The following CUX1 variants were observed in gnomAD, a reference collection of about 807,000 sequenced individuals.
CUX1 encodes the protein cut like homeobox 1.
In CUX1, 31 loss-of-function variants were observed where a neutral mutation model predicts 158.8. The observed-to-expected ratio is 0.20, with a 90% CI of 0.15 to 0.26. The LOEUF (loss-of-function observed/expected upper bound fraction) is 0.26. CUX1 is among the 10% of genes least tolerant of loss of function. The pLI is 1.00. For synonymous variants in CUX1, 879 were observed against 862.1 expected (o/e 1.02, Z -0.34); for missense variants, 1,589 against 2,014.6 (o/e 0.79, Z 4.04).
At chr7:102,044,636 G>A (rs907968010) in intron 3 of CUX1, among the ~76,000 whole-genome samples, 7 of 152,152 alleles carry the variant, frequency 4.6e-5, no homozygotes, top group Non-Finnish European at 1.0e-4. Flanking sequence ...CCTTATGGAA[G>A]TGGTTACATA....
chr7:102,282,745 G>C, exon 22 of CUX1: 1 of 1,613,628 alleles, frequency 6.2e-7, no homozygotes, highest in Non-Finnish European at 8.5e-7. Context: ...CGAGAGCATG[G>C]AGAGGGACTG....
intron 20 of CUX1, among the ~76,000 whole-genome samples, chr7:102,226,151 C>A (rs7788329): frequency 0.081 from 12,324 of 152,268 alleles, 759 homozygotes; most frequent in African/African-American, 0.17. Context: ...CCAACAGAGC[C>A]CAGCTGGCAT....
intron 3 of CUX1, among the ~76,000 whole-genome samples, chr7:102,045,561 A>G (rs562868925): frequency 1.8e-4 from 27 of 152,400 alleles, no homozygotes; most frequent in African/African-American, 5.5e-4. Flanking sequence ...TGCTTGTGAT[A>G]TAGCAGGAGC....
rs140554911 is a variant in CUX1 at position 101,953,061 on chromosome 7, G to A, written c.141+36836G>A. Among the ~76,000 whole-genome samples the A allele has an allele frequency of 5.2e-3, 795 of 152,284 alleles. 11 individuals carry two copies. The highest frequency in any genetic ancestry group is 0.018 in the African/African-American group (748 of 41,558). ...AGCCTGGCTTCTGGCCGCCCTGCCC[G>A]CTCCTCACGTGTGAGGGGAACTGGG... On this transcript the variant is annotated intron_variant, in intron 2 of 23. Transcript: ENST00000292535.
intron 2 of CUX1, among the ~76,000 whole-genome samples, chr7:101,993,446 TG>T (rs1256310462): frequency 6.6e-6 from 1 of 152,088 alleles, no homozygotes; most frequent in Non-Finnish European, 1.5e-5. Context: ...GCTGCTCTGA[TG>T]GGGGGTGGGA....
chr7:102,062,688 A>G (rs1585482718), intron 3 of CUX1, among the ~76,000 whole-genome samples: 1 of 152,192 alleles, frequency 6.6e-6, no homozygotes, highest in South Asian at 2.1e-4. Flanking sequence ...TTTTGTAGAG[A>G]CAGGATCTTG....
rs938976407 is a variant in CUX1 at position 102,249,682 on chromosome 7, G to C, written c.*640G>C. The C allele has an allele frequency of 4.5e-5, 44 of 985,588 alleles. No homozygotes were observed. In the African/African-American group the frequency reaches 7.2e-4, roughly 16 times the overall value. The allele number at this position is 985,588 out of a possible 1,614,324, so 61.1% of individuals were successfully genotyped here. On this transcript the variant is annotated 3_prime_UTR_variant, in exon 24 of 24. Transcript: ENST00000292535. ...TCTTAAACCAGGAAAAAATAAAAGGGGGGGTGGGATTTTTCAGAAAAATTA... is the reference window on the plus strand; with the variant it reads ...TCTTAAACCAGGAAAAAATAAAAGGCGGGGTGGGATTTTTCAGAAAAATTA...
At chr7:102,053,172 T>C (rs1006947636) in intron 3 of CUX1, among the ~76,000 whole-genome samples, 3 of 152,236 alleles carry the variant, frequency 2.0e-5, no homozygotes, top group Admixed American at 6.5e-5. Context: ...ATTGTGGTTT[T>C]GATTTGCATT....
At chr7:101,894,491 T>C (rs1801246884) in intron 1 of CUX1, among the ~76,000 whole-genome samples, 1 of 152,064 alleles carries the variant, frequency 6.6e-6, no homozygotes, top group South Asian at 2.1e-4. Flanking sequence ...TTTGTATTTT[T>C]AGTAGAGATG....
At chr7:102,027,578 A>G (rs1820195801) in intron 2 of CUX1, among the ~76,000 whole-genome samples, 1 of 151,478 alleles carries the variant, frequency 6.6e-6, no homozygotes, top group Non-Finnish European at 1.5e-5. Flanking sequence ...ACATCGTTGT[A>G]GGCCAGGTGC....
At chr7:102,108,164 A>G (rs1179367959) in intron 6 of CUX1, among the ~76,000 whole-genome samples, 1 of 152,206 alleles carries the variant, frequency 6.6e-6, no homozygotes, top group African/African-American at 2.4e-5. Flanking sequence ...CCGTTAAAAT[A>G]TTAATAATAG....
At chr7:102,177,549 G>A (rs782511331) in intron 10 of CUX1, among the ~76,000 whole-genome samples, 7 of 152,056 alleles carry the variant, frequency 4.6e-5, no homozygotes, top group Non-Finnish European at 8.8e-5. Context: ...GGAAAATCTC[G>A]GTGGTTTGGG....
At chr7:101,928,529 C>A (rs1805894450) in intron 2 of CUX1, among the ~76,000 whole-genome samples, 2 of 151,424 alleles carry the variant, frequency 1.3e-5, no homozygotes, top group South Asian at 4.2e-4. Context: ...TGCCACCACG[C>A]CTGGCTAATT....
chr7:102,278,657 A>AATAAAATAAAATAAAATAATAAAATAT (rs781848717), intron 18 of CUX1, among the ~76,000 whole-genome samples: 1 of 99,106 alleles, frequency 1.0e-5, no homozygotes, highest in African/African-American at 3.2e-5. Flanking sequence ...AATAAAATAA[A>AATAAAATAAAATAAAATAATAAAATAT]AAAATAAAAT....
chr7:102,190,499 G>T (rs1355370856), intron 12 of CUX1, among the ~76,000 whole-genome samples: 1 of 152,044 alleles, frequency 6.6e-6, no homozygotes, highest in African/African-American at 2.4e-5. Context: ...AATGCTCCAG[G>T]CTCACTGACC....
At chr7:101,835,347 G>T (rs1270852745) in intron 1 of CUX1, among the ~76,000 whole-genome samples, 1 of 152,102 alleles carries the variant, frequency 6.6e-6, no homozygotes, top group Admixed American at 6.6e-5. Context: ...TTTTATGGCT[G>T]AATAATATTC....
chr7:102,259,348 G>A (rs1382529815), downstream of CUX1, among the ~76,000 whole-genome samples: 1 of 152,228 alleles, frequency 6.6e-6, no homozygotes, highest in East Asian at 1.9e-4. Flanking sequence ...AGCACTTTGG[G>A]AGGCCGAGGC....
chr7:102,098,383 G>A (rs1829419852), intron 5 of CUX1, among the ~76,000 whole-genome samples: 1 of 152,164 alleles, frequency 6.6e-6, no homozygotes, highest in East Asian at 1.9e-4. Context: ...AGGCCAAGGT[G>A]GGAGGACTGC....
exon 23 of CUX1, chr7:102,283,108 C>T (rs199575958): frequency 1.2e-4 from 196 of 1,608,498 alleles, no homozygotes; most frequent in East Asian, 9.8e-4. Context: ...GGGCCTCCCC[C>T]GTGACAGTGA....
Sources: allele counts gnomAD v4.1 joint callset (sites outside exome capture counted in the v4.1 genomes callset), GRCh38; gene constraint gnomAD v4.1.1; transcripts MANE v1.5; gene names NCBI Gene and HGNC (gene_info 2026-07-23, HGNC 2026-07-21).